SLC26A7: variants seen among roughly 807,000 people sequenced by gnomAD.
SLC26A7 encodes anion exchange transporter.
A neutral mutation model predicts 82.5 loss-of-function variants in SLC26A7; 59 were observed. The ratio of observed to expected loss-of-function variants is 0.72; its 90% CI spans 0.58 to 0.89. The LOEUF (loss-of-function observed/expected upper bound fraction) is 0.89, where lower values mean the gene tolerates loss of function less well. Among genes scored for constraint, SLC26A7 ranks in the 40% least tolerant of loss-of-function variants. The probability of loss-of-function intolerance (pLI) is 0.00; values close to 1 mark genes in which losing one functional copy is unlikely to be tolerated. For missense variants in SLC26A7, 820 were observed against 793.0 expected (o/e 1.03, Z -0.41); for synonymous variants, 271 against 274.3 (o/e 0.99, Z 0.12).
At chr8:91,329,497 C>T (rs1031815621) in intron 5 of SLC26A7, among the ~76,000 whole-genome samples, 15 of 152,208 alleles carry the variant, frequency 9.9e-5, no homozygotes, top group African/African-American at 2.9e-4. Flanking sequence ...TCCAGACAGA[C>T]AATAAAAACC....
intron 6 of SLC26A7, among the ~76,000 whole-genome samples, chr8:91,337,145 CT>C (rs67128978): frequency 0.074 from 11,217 of 151,198 alleles, 603 homozygotes; most frequent in African/African-American, 0.15. Context: ...CTTTTTAAGC[CT>C]ATTTGATGTT....
intron 4 of SLC26A7, among the ~76,000 whole-genome samples, chr8:91,306,200 C>A (rs1289990913): frequency 1.3e-5 from 2 of 152,076 alleles, no homozygotes; most frequent in Non-Finnish European, 2.9e-5. Context: ...AATGGTTTTC[C>A]TCCTTAAGTG....
At chr8:91,290,181 A>G (rs1466608987) in intron 3 of SLC26A7, among the ~76,000 whole-genome samples, 2 of 152,150 alleles carry the variant, frequency 1.3e-5, no homozygotes, top group African/African-American at 2.4e-5. Context: ...CTATAGAGAC[A>G]TTTCTATTTA....
At chr8:91,375,166 G>A (rs940353776) in intron 15 of SLC26A7, among the ~76,000 whole-genome samples, 1 of 151,858 alleles carries the variant, frequency 6.6e-6, no homozygotes, top group Non-Finnish European at 1.5e-5. Flanking sequence ...GCAGCAGATG[G>A]TTGGGTCTTT....
intron 5 of SLC26A7, among the ~76,000 whole-genome samples, chr8:91,333,313 T>G (rs1049505332): frequency 2.0e-5 from 3 of 152,208 alleles, no homozygotes; most frequent in Admixed American, 6.5e-5. Flanking sequence ...GTGTTTGATA[T>G]TAATGTATTA....
At chr8:91,258,741 G>A (rs1810876524) in intron 2 of SLC26A7, among the ~76,000 whole-genome samples, 1 of 152,060 alleles carries the variant, frequency 6.6e-6, no homozygotes, top group Non-Finnish European at 1.5e-5. Flanking sequence ...GTTAGCATAA[G>A]GCAGAAGGAG....
At chr8:91,349,299 C>G (rs1308036387) in intron 9 of SLC26A7, among the ~76,000 whole-genome samples, 1 of 152,176 alleles carries the variant, frequency 6.6e-6, no homozygotes, top group Non-Finnish European at 1.5e-5. Context: ...AACAAATAGT[C>G]TTTTTCACCC....
chr8:91,371,684 A>G (rs1052042918), intron 15 of SLC26A7, among the ~76,000 whole-genome samples: 1 of 151,954 alleles, frequency 6.6e-6, no homozygotes, highest in African/African-American at 2.4e-5. Context: ...GTACTGTGAT[A>G]AACATAAGAC....
chr8:91,382,640 G>A (rs1814698199), intron 15 of SLC26A7, among the ~76,000 whole-genome samples: 1 of 152,092 alleles, frequency 6.6e-6, no homozygotes, highest in South Asian at 2.1e-4. Flanking sequence ...TAGTAATAGT[G>A]AAACAGAGAA....
At chr8:91,271,345 T>A (rs1212586497) in intron 2 of SLC26A7, among the ~76,000 whole-genome samples, 2 of 152,214 alleles carry the variant, frequency 1.3e-5, no homozygotes, top group Admixed American at 6.5e-5. Context: ...GCCTATTTTT[T>A]AAAAAAGATT....
At chr8:91,239,430 A>G (rs1327741093) in intron 2 of SLC26A7, among the ~76,000 whole-genome samples, 1 of 147,042 alleles carries the variant, frequency 6.8e-6, no homozygotes, top group Middle Eastern at 3.3e-3. Flanking sequence ...ATATATATGT[A>G]TATATGTGTA....
At chr8:91,304,031 T>C (rs1173056651) in intron 4 of SLC26A7, among the ~76,000 whole-genome samples, 1 of 152,250 alleles carries the variant, frequency 6.6e-6, no homozygotes, top group Non-Finnish European at 1.5e-5. Flanking sequence ...TATAACATTC[T>C]TAAAATTATA....
At chr8:91,310,732 C>T (rs1247405510) in intron 4 of SLC26A7, among the ~76,000 whole-genome samples, 6 of 152,148 alleles carry the variant, frequency 3.9e-5, no homozygotes, top group African/African-American at 1.4e-4. Context: ...ACACACCGCA[C>T]ATGCTCCCCT....
chr8:91,368,267 C>A (rs1047321987), intron 14 of SLC26A7, among the ~76,000 whole-genome samples: 3 of 152,174 alleles, frequency 2.0e-5, no homozygotes, highest in Admixed American at 1.3e-4. Flanking sequence ...AAAGTGATTC[C>A]ATTGTCTCTA....
intron 14 of SLC26A7, among the ~76,000 whole-genome samples, chr8:91,368,733 A>G (rs956414903): frequency 6.6e-6 from 1 of 151,982 alleles, no homozygotes; most frequent in Non-Finnish European, 1.5e-5. Context: ...CAGATGAGGT[A>G]TTTTTAAGAG....
intron 15 of SLC26A7, among the ~76,000 whole-genome samples, chr8:91,380,760 C>T (rs193055810): frequency 6.6e-6 from 1 of 152,220 alleles, no homozygotes; most frequent in Admixed American, 6.5e-5. Context: ...TACACATATC[C>T]TGTGATCAGC....
intron 2 of SLC26A7, among the ~76,000 whole-genome samples, chr8:91,278,495 A>G (rs1357414887): frequency 6.6e-6 from 1 of 152,226 alleles, no homozygotes; most frequent in Non-Finnish European, 1.5e-5. Context: ...GAGGTATCAT[A>G]GAGTAAAAGT....
At chr8:91,361,400 A>C (rs761532973) in intron 11 of SLC26A7, among the ~76,000 whole-genome samples, 1 of 152,120 alleles carries the variant, frequency 6.6e-6, no homozygotes, top group African/African-American at 2.4e-5. Context: ...ATGGAATTGA[A>C]ATATGTTTTC....
chr8:91,214,803 G>T (rs541847369), intron 1 of SLC26A7, among the ~76,000 whole-genome samples: 1 of 151,816 alleles, frequency 6.6e-6, no homozygotes, highest in South Asian at 2.1e-4. Context: ...TGACTTGACA[G>T]AAATTTTTTT....
Sources: gnomAD v4.1 joint callset for allele counts (sites outside exome capture counted in the v4.1 genomes callset) on GRCh38, gnomAD v4.1.1 for gene constraint, MANE v1.5 for transcripts, NCBI Gene and HGNC (gene_info 2026-07-23, HGNC 2026-07-21) for gene names.